Variants in SYN3 observed in about 807,000 individuals in gnomAD.
The protein encoded by SYN3 is synapsin-3.
A neutral mutation model predicts 65.8 loss-of-function variants in SYN3; 35 were observed. The observed-to-expected ratio is 0.53, with a 90% CI of 0.41 to 0.70. The LOEUF is 0.70. Among genes scored for constraint, SYN3 ranks in the 30% least tolerant of loss-of-function variants. SYN3 has a pLI of 0.00. For synonymous variants in SYN3, 270 were observed against 292.9 expected (o/e 0.92, Z 0.80); for missense variants, 680 against 749.0 (o/e 0.91, Z 1.08).
intron 3 of SYN3, among the ~76,000 whole-genome samples, chr22:32,967,049 G>A (rs749876092): frequency 2.6e-5 from 4 of 152,182 alleles, no homozygotes; most frequent in South Asian, 4.2e-4. Flanking sequence ...GAGAATGGGG[G>A]AACTCATAGT....
Position 32,725,195 on chromosome 22 carries a change from T to C in SYN3, c.712-128459A>G, listed in dbSNP as rs184174371. The stretch of plus-strand genomic sequence containing the variant: ...TCTTCTGTGCAGAGATGAGAACCCA[T>C]GCCCAAGGGTTTCTTTCCACCACAG... On this transcript the variant is annotated intron_variant, in intron 6 of 13. Transcript: ENST00000358763. Among the ~76,000 whole-genome samples, 396 of 152,186 alleles carry C rather than the reference T, an allele frequency of 2.6e-3. 4 individuals carry two copies. The highest frequency in any genetic ancestry group is 9.2e-3 in the African/African-American group (384 of 41,528).
At chr22:32,651,088 G>A (rs1175334316) in intron 6 of SYN3, among the ~76,000 whole-genome samples, 1 of 152,158 alleles carries the variant, frequency 6.6e-6, no homozygotes, top group Non-Finnish European at 1.5e-5. Context: ...TGAGGGGTCT[G>A]AGGAGTAGAG....
intron 6 of SYN3, among the ~76,000 whole-genome samples, chr22:32,753,951 G>A (rs1007353471): frequency 5.3e-5 from 8 of 152,230 alleles, no homozygotes; most frequent in African/African-American, 1.9e-4. Flanking sequence ...CTGAGAATAC[G>A]TAGGCAGCAC....
At chr22:32,824,592 T>A (rs981285107) in intron 6 of SYN3, among the ~76,000 whole-genome samples, 1 of 152,150 alleles carries the variant, frequency 6.6e-6, no homozygotes, top group African/African-American at 2.4e-5. Flanking sequence ...AATATATATA[T>A]GTCATTGAAC....
intron 6 of SYN3, among the ~76,000 whole-genome samples, chr22:32,649,518 G>A (rs1569123742): frequency 6.6e-6 from 1 of 152,180 alleles, no homozygotes; most frequent in Non-Finnish European, 1.5e-5. Context: ...AGATCACACA[G>A]AAAGGAAACA....
intron 6 of SYN3, among the ~76,000 whole-genome samples, chr22:32,756,530 C>T (rs1368865656): frequency 2.0e-5 from 3 of 152,182 alleles, no homozygotes; most frequent in African/African-American, 7.2e-5. Flanking sequence ...GTTTGGATGT[C>T]CCCTCCAAAT....
At chr22:33,049,932 T>A (rs1333106902) in intron 1 of SYN3, among the ~76,000 whole-genome samples, 1 of 152,098 alleles carries the variant, frequency 6.6e-6, no homozygotes, top group East Asian at 1.9e-4. Context: ...AGGTTTTCCA[T>A]AAGCCTACTC....
At chr22:32,822,048 G>A (rs902262770) in intron 6 of SYN3, among the ~76,000 whole-genome samples, 5 of 151,466 alleles carry the variant, frequency 3.3e-5, no homozygotes, top group African/African-American at 4.9e-5. Context: ...CCAGCTACTC[G>A]GGAGGCTGAG....
chr22:32,550,919 C>G (rs1182078318), intron 7 of SYN3, among the ~76,000 whole-genome samples: 1 of 152,000 alleles, frequency 6.6e-6, no homozygotes. Context: ...CTCCCATTAG[C>G]CAAAGATGGG....
chr22:32,981,714 T>C (rs1043358502), intron 2 of SYN3, among the ~76,000 whole-genome samples: 1 of 152,176 alleles, frequency 6.6e-6, no homozygotes, highest in Non-Finnish European at 1.5e-5. Context: ...TATCCTAATC[T>C]AATCATTATA....
chr22:32,954,692 C>T (rs1237744091), intron 3 of SYN3, among the ~76,000 whole-genome samples: 1 of 152,098 alleles, frequency 6.6e-6, no homozygotes, highest in South Asian at 2.1e-4. Context: ...CCAGAAACTG[C>T]AAGAGGAAAG....
intron 4 of SYN3, among the ~76,000 whole-genome samples, chr22:32,898,873 C>T (rs1043071707): frequency 1.3e-5 from 2 of 152,096 alleles, no homozygotes; most frequent in African/African-American, 4.8e-5. Context: ...GAGGCCGAGG[C>T]GGGTGGATCA....
At chr22:32,820,267 CGCGTGT>C (rs1327980360) in intron 6 of SYN3, among the ~76,000 whole-genome samples, 1 of 143,346 alleles carries the variant, frequency 7.0e-6, no homozygotes, top group Admixed American at 6.9e-5. Flanking sequence ...TGTGTGCGTG[CGCGTGT>C]GTGTGTGTGT....
chr22:32,541,715 T>G lies in SYN3; in HGVS notation c.775-2A>C, dbSNP rs1206514090. ...GTCAAGCTGGTTTTCCACTTTGATC[T>G]GTGTGGGAGGATGAGGGGGATGAGT... On this transcript the variant is annotated splice_acceptor_variant, in intron 7 of 13. Transcript: ENST00000358763. LOFTEE classifies it high-confidence loss of function. The G allele has an allele frequency of 6.2e-7, 1 of 1,613,374 alleles. No individual in the cohort carries two copies. The highest frequency in any genetic ancestry group is 1.1e-5 in the South Asian group (1 of 90,982).
chr22:32,540,912 G>C (rs934844427), intron 8 of SYN3, among the ~76,000 whole-genome samples: 2 of 152,192 alleles, frequency 1.3e-5, no homozygotes, highest in African/African-American at 4.8e-5. Context: ...CATGAAAATT[G>C]TTTATTATTA....
intron 13 of SYN3, chr22:32,514,740 G>A (rs563961385): frequency 6.6e-6 from 1 of 152,560 alleles, no homozygotes; most frequent in Admixed American, 6.5e-5. Flanking sequence ...CACTGTGCTG[G>A]GCGCAGTGGC....
intron 6 of SYN3, among the ~76,000 whole-genome samples, chr22:32,649,112 C>A (rs1364065827): frequency 6.6e-6 from 1 of 152,194 alleles, no homozygotes; most frequent in African/African-American, 2.4e-5. Context: ...GTATACTTCC[C>A]CTATCCCTAA....
chr22:32,544,127 A>C (rs1029516101), intron 7 of SYN3, among the ~76,000 whole-genome samples: 1 of 152,162 alleles, frequency 6.6e-6, no homozygotes, highest in African/African-American at 2.4e-5. Context: ...TTGTAGAGAC[A>C]GGGCCTCACT....
At chr22:33,003,110 TG>T (rs1344665178) in intron 2 of SYN3, among the ~76,000 whole-genome samples, 2 of 152,232 alleles carry the variant, frequency 1.3e-5, no homozygotes, top group Non-Finnish European at 2.9e-5. Flanking sequence ...CCCAGCCATG[TG>T]GAACTGTGAG....
Sources: gnomAD v4.1 joint callset for allele counts (sites outside exome capture counted in the v4.1 genomes callset) on GRCh38, gnomAD v4.1.1 for gene constraint, MANE v1.5 for transcripts, NCBI Gene and HGNC (gene_info 2026-07-23, HGNC 2026-07-21) for gene names.